The following ADAMTS9 variants were observed in gnomAD, a reference collection of about 807,000 sequenced individuals.
The protein encoded by ADAMTS9 is ADAM metallopeptidase with thrombospondin type 1 motif 9.
Under a neutral mutation model 257.1 loss-of-function variants are expected in ADAMTS9, and 107 were observed. The ratio of observed to expected loss-of-function variants is 0.42; its 90% confidence interval spans 0.36 to 0.49. The LOEUF (loss-of-function observed/expected upper bound fraction) is 0.49. Ranked by LOEUF, ADAMTS9 falls within the 20% of genes least tolerant of loss-of-function variation. The pLI is 0.03. For missense variants in ADAMTS9, 2,353 were observed against 2,469.1 expected (o/e 0.95, Z 1.00); for synonymous variants, 982 against 880.9 (o/e 1.11, Z -2.03).
chr3:64,583,909 C>A (rs1364116415), intron 28 of ADAMTS9: 2 of 152,150 alleles, frequency 1.3e-5, no homozygotes, highest in African/African-American at 4.8e-5. Context: ...GAAATCAATT[C>A]CCATGCACAA....
At chr3:64,618,029 G>C (rs1183488204) in intron 19 of ADAMTS9, among the ~76,000 whole-genome samples, 2 of 152,130 alleles carry the variant, frequency 1.3e-5, no homozygotes, top group East Asian at 3.9e-4. Flanking sequence ...GTTTGTGTCG[G>C]TGTATTTTTC....
rs2083081446 is a variant in ADAMTS9, at chr3:64,538,671, AC to A, written c.5613+531del. On this transcript the variant is annotated intron_variant, in intron 37 of 39. Coordinates refer to ENST00000498707, the MANE Select transcript of ADAMTS9 (RefSeq NM_182920.2). Reference sequence around the variant, plus strand: ...GCAATATTCAGATTCATAAAGGCTGACAGTGGTGTGTTGGCACGTGCTTGAA... The same window carrying A: ...GCAATATTCAGATTCATAAAGGCTGAAGTGGTGTGTTGGCACGTGCTTGAA... Among the ~76,000 whole-genome samples, 3 of 152,182 alleles carry A rather than the reference AC, an allele frequency of 2.0e-5. No individual in the cohort carries two copies. In the South Asian group the frequency reaches 6.2e-4, roughly 31 times the overall value.
chr3:64,658,892 C>G lies in ADAMTS9; in HGVS notation c.680-101G>C, dbSNP rs1701154744. 4 of 1,302,058 alleles carry G rather than the reference C, an allele frequency of 3.1e-6. No homozygotes were observed. The South Asian group carries it at 5.8e-5, about 19-fold the overall frequency. 80.7% of individuals were successfully genotyped at this position (1,302,058 alleles called of 1,614,324 possible). ...TTAAATTGATCCCTCTGTGGTCAAA[C>G]TACATACAAAAACAAGTCCTCCATG... On this transcript the variant is annotated intron_variant, in intron 3 of 39. Transcript: ENST00000498707.
chr3:64,582,194 G>A (rs989656597), intron 28 of ADAMTS9, among the ~76,000 whole-genome samples: 4 of 152,112 alleles, frequency 2.6e-5, no homozygotes, highest in Non-Finnish European at 4.4e-5. Flanking sequence ...TTTGCAGAGT[G>A]GAAAAGAGGA....
chr3:64,642,485 T>TC (rs756754164), intron 11 of ADAMTS9, among the ~76,000 whole-genome samples: 1 of 124,878 alleles, frequency 8.0e-6, no homozygotes, highest in Non-Finnish European at 1.5e-5. Flanking sequence ...ATAAACACAC[T>TC]CCAGGAAAGC....
chr3:64,532,308 C>G (rs149468760), intron 38 of ADAMTS9, among the ~76,000 whole-genome samples: 514 of 152,276 alleles, frequency 3.4e-3, no homozygotes, highest in Non-Finnish European at 4.0e-3. Flanking sequence ...TAGCCTATAG[C>G]AGGGCAAAAT....
chr3:64,668,628 C>T (rs13066514), intron 3 of ADAMTS9, among the ~76,000 whole-genome samples: 28,376 of 152,020 alleles, frequency 0.19, 2,898 homozygotes, highest in Non-Finnish European at 0.23. Context: ...CATAAAGTGT[C>T]GGAACAGGGC....
rs1036371926 is a variant in ADAMTS9, at chr3:64,674,795, G to T, written c.679+6406C>A. ...TGTTTTACCGAAAGCCCCCTCAGGG[G>T]TCTGCTCCCCAGCTCCGTCTCTCAC... On this transcript the variant is annotated intron_variant, in intron 3 of 39. Coordinates refer to ENST00000498707, the MANE Select transcript of ADAMTS9 (RefSeq NM_182920.2). 1.1e-4 allele frequency among the ~76,000 whole-genome samples: 17 copies of T among 152,336 alleles called. No homozygotes were observed. The South Asian group carries it at 2.7e-3, about 24-fold the overall frequency.
chr3:64,588,357 C>T (rs1052674305), intron 28 of ADAMTS9: 113 of 152,154 alleles, frequency 7.4e-4, no homozygotes, highest in African/African-American at 2.7e-3. Context: ...CTGCTGTATC[C>T]TTAGCACCTG....
At chr3:64,680,659 C>T (rs560505022) in intron 3 of ADAMTS9, among the ~76,000 whole-genome samples, 7 of 152,304 alleles carry the variant, frequency 4.6e-5, no homozygotes, top group East Asian at 1.9e-4. Flanking sequence ...CACAGCATAA[C>T]GTACAGGTAC....
chr3:64,597,991 A>G (rs1433495962), intron 26 of ADAMTS9, among the ~76,000 whole-genome samples: 1 of 152,184 alleles, frequency 6.6e-6, no homozygotes, highest in Non-Finnish European at 1.5e-5. Context: ...ATCGTAGCTC[A>G]TATCAGTGTT....
intron 30 of ADAMTS9, among the ~76,000 whole-genome samples, chr3:64,556,215 T>G (rs1286592514): frequency 2.0e-5 from 3 of 152,220 alleles, no homozygotes; most frequent in Non-Finnish European, 4.4e-5. Flanking sequence ...TGAGCAGTTC[T>G]GCAACAGTCA....
Position 64,516,510 on chromosome 3 carries a change from G to T in ADAMTS9, c.*617C>A, listed in dbSNP as rs1406671237. On this transcript the variant is annotated 3_prime_UTR_variant, in exon 40 of 40. Coordinates refer to ENST00000498707, the MANE Select transcript of ADAMTS9 (RefSeq NM_182920.2). The stretch of plus-strand genomic sequence containing the variant: ...TCATTAAAAGTGTTTATATTTCTGA[G>T]TCGGATGATCATTTAAATACATACA... 6.6e-6 allele frequency: 1 copy of T among 152,494 alleles called. No homozygotes were observed. The highest frequency in any genetic ancestry group is 6.6e-5 in the Admixed American group (1 of 15,254). The allele number at this position is 152,494 out of a possible 1,614,324, so 9.4% of individuals were successfully genotyped here.
In ADAMTS9 at chr3:64,533,192, C is replaced by T; in HGVS notation, c.5692G>A (p.Ala1898Thr). The T allele has an allele frequency of 1.3e-6, 2 of 1,591,528 alleles. No homozygotes were observed. Among genetic ancestry groups the T allele is most frequent in the Non-Finnish European group, 1.7e-6 (2 of 1,166,388 alleles). Residue 1898 changes from alanine (A) to threonine (T), a missense_variant, in exon 38 of 40, where the codon GCT (alanine) becomes ACT (threonine). Ala to Thr is a moderately conservative substitution (Grantham distance 58, BLOSUM62 0). Transcript: ENST00000498707. ...SARWISQGNY[A>T]VSDIKKSPDG... is the part of the protein sequence containing the mutation. ...GGCGACTTCTTGATGTCAGAGACAG[C>T]ATAATTCCCTTGTGATATCCATCTG...
chr3:64,631,132 G>GA (rs1484220739), intron 16 of ADAMTS9, among the ~76,000 whole-genome samples: 1 of 152,166 alleles, frequency 6.6e-6, no homozygotes, highest in Non-Finnish European at 1.5e-5. Context: ...ACAGCTTTTT[G>GA]AAAAGACTCA....
chr3:64,613,588 G>C, intron 21 of ADAMTS9, 79 bp from the exon 22 acceptor site: 1 of 1,409,194 alleles, frequency 7.1e-7, no homozygotes, highest in Non-Finnish European at 9.6e-7. Flanking sequence ...TTGATGAGTA[G>C]GAACAGGTGT....
chr3:64,677,731 G>T (rs1360529222), intron 3 of ADAMTS9, among the ~76,000 whole-genome samples: 1 of 152,106 alleles, frequency 6.6e-6, no homozygotes, highest in Non-Finnish European at 1.5e-5. Context: ...ATCTTGAAAG[G>T]TACATGTTAT....
intron 31 of ADAMTS9, chr3:64,550,407 C>T (rs2083256243): frequency 6.6e-6 from 1 of 152,494 alleles, no homozygotes; most frequent in Non-Finnish European, 1.5e-5. Flanking sequence ...GATTTTTAGC[C>T]TCTCTTGAAA....
intron 36 of ADAMTS9, among the ~76,000 whole-genome samples, chr3:64,539,671 AG>A (rs2083095918): frequency 1.3e-5 from 2 of 152,318 alleles, no homozygotes; most frequent in African/African-American, 2.4e-5. Context: ...CCTGCATCAC[AG>A]GCTTCAGGCC....
Sources: allele counts gnomAD v4.1 joint callset (sites outside exome capture counted in the v4.1 genomes callset), GRCh38; gene constraint gnomAD v4.1.1; transcripts MANE v1.5; gene names NCBI Gene and HGNC (gene_info 2026-07-23, HGNC 2026-07-21).